COQ8B: variants seen among roughly 807,000 people sequenced by gnomAD.
COQ8B encodes the protein atypical kinase COQ8B, mitochondrial.
Under a neutral mutation model 62.0 loss-of-function variants are expected in COQ8B, and 44 were observed. The ratio of observed to expected loss-of-function variants is 0.71; its 90% CI spans 0.56 to 0.91. The LOEUF is 0.91. Among genes scored for constraint, COQ8B ranks in the 40% least tolerant of loss-of-function variants. COQ8B has a pLI of 0.00. For missense variants in COQ8B, 649 were observed against 731.6 expected (o/e 0.89, Z 1.30); for synonymous variants, 252 against 289.9 (o/e 0.87, Z 1.33).
Position 40,692,938 on chromosome 19 carries a change from A to G in COQ8B, c.1296+13T>C, listed in dbSNP as rs778338607. On this transcript the variant is annotated intron_variant, in intron 14 of 14. Transcript: ENST00000324464. ...ACAGACACCAGCCCCTTTCTCCCCCAGTGTCTCCCCACCTTGGTTTCAAAG... is the reference window on the plus strand; with the variant it reads ...ACAGACACCAGCCCCTTTCTCCCCCGGTGTCTCCCCACCTTGGTTTCAAAG... The G allele has an allele frequency of 1.0e-4, 163 of 1,611,806 alleles. No individual in the cohort carries two copies. In the Admixed American group the frequency reaches 2.6e-3, roughly 26 times the overall value.
At position 40,714,512 on chromosome 19, in the gene COQ8B, C is replaced by T. The variant is rs1421145839; in HGVS notation, c.102+19G>A. The T allele has an allele frequency of 1.9e-5, 30 of 1,613,352 alleles. No homozygotes were observed. Among genetic ancestry groups the T allele is most frequent in the Middle Eastern group, 1.6e-4 (1 of 6,084 alleles). ...CCCTCAGCCTCTTCCCCTTGGGGACCTGCTCCCTAGCCTCTTACCCAGCGG... is the reference window on the plus strand; with the variant it reads ...CCCTCAGCCTCTTCCCCTTGGGGACTTGCTCCCTAGCCTCTTACCCAGCGG... On this transcript the variant is annotated intron_variant, in intron 2 of 14. Coordinates refer to ENST00000324464, the MANE Select transcript of COQ8B (RefSeq NM_024876.4).
In COQ8B at chr19:40,715,647, C is replaced by G. The variant is rs574007764; in HGVS notation, c.-4+940G>C. ...CTCTCTCGTGTACATACCCTCCCCC[C>G]CACTTGCACACTGAGTCTCTGTTCC... On this transcript the variant is annotated intron_variant, in intron 1 of 14. Transcript: ENST00000324464. 2.0e-4 allele frequency: 193 copies of G among 977,780 alleles called. No individual in the cohort carries two copies. In the Admixed American group the frequency reaches 2.0e-3, roughly 10 times the overall value. The allele number at this position is 977,780 out of a possible 1,614,324, so 60.6% of individuals were successfully genotyped here.
rs369092618 is a variant in COQ8B, at chr19:40,699,850, C to T, written c.1143+217G>A. 2.0e-4 allele frequency among the ~76,000 whole-genome samples: 30 copies of T among 152,336 alleles called. 1 individual carries two copies. The East Asian group carries it at 2.3e-3, about 12-fold the overall frequency. On this transcript the variant is annotated intron_variant, in intron 12 of 14. Transcript: ENST00000324464. ...AGTTAGGCAGGGGGCTACCCTCAAC[C>T]TCTCTTACCCTTTCCTTGGGAAGCA... is the stretch of plus-strand genomic sequence containing the variant.
At chr19:40,708,528 A>AC (rs147385695) in intron 5 of COQ8B, among the ~76,000 whole-genome samples, 1,681 of 152,246 alleles carry the variant, frequency 0.011, 24 homozygotes, top group East Asian at 0.042. Flanking sequence ...GAGGTGCAGC[A>AC]CCTATCCCTG....
Position 40,695,175 on chromosome 19 carries a change from G to A in COQ8B, c.1209+814C>T, listed in dbSNP as rs60481796. On this transcript the variant is annotated intron_variant, in intron 13 of 14. Coordinates refer to ENST00000324464, the MANE Select transcript of COQ8B (RefSeq NM_024876.4). ...TCTACTAAAAATACAAAAATTAGCCGGGCGTGGTGGCACATGCCTGTAATC... is the reference window on the plus strand; with the variant it reads ...TCTACTAAAAATACAAAAATTAGCCAGGCGTGGTGGCACATGCCTGTAATC... Among the ~76,000 whole-genome samples, 616 of 152,034 alleles carry A rather than the reference G, an allele frequency of 4.1e-3. 2 individuals are homozygous for A. The highest frequency in any genetic ancestry group is 0.014 in the African/African-American group (597 of 41,456).
intron 9 of COQ8B, 79 bp from the exon 10 acceptor site, chr19:40,702,772 C>T: frequency 1.5e-6 from 2 of 1,348,922 alleles, no homozygotes; most frequent in Admixed American, 1.8e-5. Context: ...CCCTCTCTCT[C>T]CTGTCTCCCG....
chr19:40,693,154 C>T, intron 13 of COQ8B, 117 bp from the exon 14 acceptor site: 1 of 795,862 alleles, frequency 1.3e-6, no homozygotes, highest in South Asian at 1.8e-5. Context: ...TCTGCCTGGG[C>T]CCTCCCTCAC....
At chr19:40,711,303 C>T (rs1255408578) in intron 4 of COQ8B, among the ~76,000 whole-genome samples, 1 of 151,888 alleles carries the variant, frequency 6.6e-6, no homozygotes, top group African/African-American at 2.4e-5. Flanking sequence ...ACCATCATAA[C>T]TCACTGCAGC....
intron 5 of COQ8B, among the ~76,000 whole-genome samples, chr19:40,708,614 C>G (rs1036503587): frequency 6.6e-6 from 1 of 151,886 alleles, no homozygotes; most frequent in African/African-American, 2.4e-5. Context: ...CCTCCACCTA[C>G]CCTCAACTTT....
Position 40,714,654 on chromosome 19 carries a change from G to A in COQ8B, c.-3-19C>T. ...ACATTGCCTGGAGGAGAAGAGGAGG[G>A]ATTATTCAGGTGGGAGTTGCCTGGC... On this transcript the variant is annotated intron_variant, in intron 1 of 14. Coordinates refer to ENST00000324464, the MANE Select transcript of COQ8B (RefSeq NM_024876.4). 2 of 1,570,616 alleles carry A rather than the reference G, an allele frequency of 1.3e-6. No homozygotes were observed. Among genetic ancestry groups the A allele is most frequent in the Non-Finnish European group, 1.7e-6 (2 of 1,159,880 alleles).
At chr19:40,698,979 C>G (rs1216700354) in intron 12 of COQ8B, among the ~76,000 whole-genome samples, 1 of 151,752 alleles carries the variant, frequency 6.6e-6, no homozygotes, top group Non-Finnish European at 1.5e-5. Context: ...GTCTCCTTTT[C>G]CCCTGTCCCA....
In COQ8B at chr19:40,712,383, G is replaced by A. The variant is rs189409087; in HGVS notation, c.289+1684C>T. On this transcript the variant is annotated intron_variant, in intron 4 of 14. Coordinates refer to ENST00000324464, the MANE Select transcript of COQ8B (RefSeq NM_024876.4). The stretch of plus-strand genomic sequence containing the variant: ...AGGTCAGGAGATCGAGACCATCCTG[G>A]CCAACATGGTGAAACCCTGTCTCCC... Among the ~76,000 whole-genome samples the A allele has an allele frequency of 4.2e-3, 619 of 146,960 alleles. 3 individuals are homozygous for A. Among genetic ancestry groups the A allele is most frequent in the Middle Eastern group, 6.9e-3 (2 of 288 alleles).
chr19:40,713,922 T>C, intron 4 of COQ8B, 145 bp downstream of exon 4: 1 of 809,506 alleles, frequency 1.2e-6, no homozygotes, highest in South Asian at 1.8e-5. Context: ...TTGATTTCTC[T>C]TGGCCTTGCA....
chr19:40,705,489 A>T (rs1298932796), intron 5 of COQ8B, 42 bp from the exon 6 acceptor site: 1 of 1,503,302 alleles, frequency 6.7e-7, no homozygotes, highest in Admixed American at 2.2e-5. Flanking sequence ...CACAAATATC[A>T]TCACTGCGGC....
Position 40,716,569 on chromosome 19 carries a change from A to C in COQ8B, c.-4+18T>G, listed in dbSNP as rs1252023160. On this transcript the variant is annotated intron_variant, in intron 1 of 14. Coordinates refer to ENST00000324464, the MANE Select transcript of COQ8B (RefSeq NM_024876.4). ...CTGATACAGAACAAGTACTCTATAC[A>C]TGACAGAGATTTCTTACGGAAAATC... 1 of 152,256 alleles carries C rather than the reference A, an allele frequency of 6.6e-6. No homozygotes were observed. Among genetic ancestry groups the C allele is most frequent in the African/African-American group, 2.4e-5 (1 of 41,470 alleles). The allele number at this position is 152,256 out of a possible 1,614,324, so 9.4% of individuals were successfully genotyped here. A position where few individuals can be genotyped will look rare whatever the true frequency, so the allele number is the denominator to read the frequency against.
chr19:40,700,166 G>A lies in COQ8B; in HGVS notation c.1044C>T (p.Phe348=), dbSNP rs2082050073. The A allele has an allele frequency of 6.2e-7, 1 of 1,614,090 alleles. No homozygotes were observed. The highest frequency in any genetic ancestry group is 8.5e-7 in the Non-Finnish European group (1 of 1,180,028). Residue 348 remains phenylalanine (F), a synonymous_variant, in exon 12 of 15, where the codon TTC becomes TTT. Coordinates refer to ENST00000324464, the MANE Select transcript of COQ8B (RefSeq NM_024876.4). The part of the protein sequence containing the change: ...LSQDLRNQIC[F]QLLTLCLREL... ...CCCGCAGACACAGCGTCAGGAGCTG[G>A]AAGCAAATCTGGGGTGGGGAGAATT...
In COQ8B at chr19:40,705,126, G is replaced by A. The variant is rs151217582; in HGVS notation, c.546C>T (p.Ser182=). 57 of 1,612,076 alleles carry A rather than the reference G, an allele frequency of 3.5e-5. No homozygotes were observed. The highest frequency in any genetic ancestry group is 1.2e-4 in the African/African-American group (9 of 74,926). Residue 182 remains serine, a synonymous_variant, in exon 7 of 15, where the codon AGC becomes AGT. Coordinates refer to ENST00000324464, the MANE Select transcript of COQ8B (RefSeq NM_024876.4). ...LQHIFERVRQ[S]ADFMPRWQML... is the part of the protein sequence containing the mutation. ...TCTGCCAGCGGGGCATGAAGTCGGC[G>A]CTCTGGCGGACCCGCTCAAAGATGT... is the stretch of plus-strand genomic sequence containing the variant.
At chr19:40,709,262 C>T (rs1474771130) in intron 5 of COQ8B, among the ~76,000 whole-genome samples, 2 of 152,192 alleles carry the variant, frequency 1.3e-5, no homozygotes, top group African/African-American at 4.8e-5. Flanking sequence ...TCTTTCATGG[C>T]TGTTTTTTCC....
At position 40,705,345 on chromosome 19, in the gene COQ8B, C is replaced by A; in HGVS notation, c.470G>T (p.Gly157Val). The A allele has an allele frequency of 1.9e-6, 3 of 1,594,906 alleles. No homozygotes were observed. The highest frequency in any genetic ancestry group is 2.2e-5 in the South Asian group (2 of 90,066). Residue 157 changes from glycine to valine, a missense_variant, in exon 6 of 15, where the codon GGC becomes GTC. Coordinates refer to ENST00000324464, the MANE Select transcript of COQ8B (RefSeq NM_024876.4). Reference protein sequence around the residue: ...CTVRGAALKVGQMLSIQDNSF... With the variant: ...CTVRGAALKVVQMLSIQDNSF... ...TGTACCCTGGATGCTGAGCATCTGGCCAACCTTGAGGGCGGCCCCTCGAAC... is the reference window on the plus strand; with the variant it reads ...TGTACCCTGGATGCTGAGCATCTGGACAACCTTGAGGGCGGCCCCTCGAAC...
Sources: gnomAD v4.1 joint callset for allele counts (sites outside exome capture counted in the v4.1 genomes callset) on GRCh38, gnomAD v4.1.1 for gene constraint, MANE v1.5 for transcripts, NCBI Gene and HGNC (gene_info 2026-07-23, HGNC 2026-07-21) for gene names.